Variants in ADGRG2 observed in about 807,000 individuals in gnomAD.
The protein encoded by ADGRG2 is G protein-coupled receptor 64.
In ADGRG2, 26 loss-of-function variants were observed where a neutral mutation model predicts 74.1. The observed-to-expected ratio is 0.35, with a 90% confidence interval of 0.26 to 0.49. ADGRG2 has a LOEUF of 0.49. Among genes scored for constraint, ADGRG2 ranks in the 20% least tolerant of loss-of-function variants. The pLI is 0.99. For missense variants in ADGRG2, 619 were observed against 763.1 expected, an observed-to-expected ratio of 0.81 and a Z score of 2.22; for synonymous variants, 296 against 295.2, an observed-to-expected ratio of 1.00 and a Z score of -0.03.
At chrX:19,013,512 A>T (rs1397626408) in intron 16 of ADGRG2, among the ~76,000 whole-genome samples, 174 bp downstream of exon 16, 1 of 112,320 alleles carries the variant, frequency 8.9e-6, no homozygotes, top group Non-Finnish European at 1.9e-5. Context: ...TGATTAAATT[A>T]GATATGCCAC....
intron 17 of ADGRG2, 106 bp downstream of exon 17, chrX:19,010,507 T>C (rs1255817326): frequency 1.2e-5 from 8 of 640,836 alleles, no homozygotes; most frequent in Non-Finnish European, 1.7e-5. Flanking sequence ...AACCATGATG[T>C]ACCTGGTACT....
At chrX:19,008,464 A>G (rs113709682) in intron 18 of ADGRG2, among the ~76,000 whole-genome samples, 4,887 of 110,858 alleles carry the variant, frequency 0.044, 181 homozygotes, top group African/African-American at 0.13. Context: ...TCAGGAGTTT[A>G]AGACCAGCCT....
In ADGRG2 at chrX:19,006,618, T is replaced by A. The variant is rs189688918; in HGVS notation, c.1690-353A>T. On this transcript the variant is annotated intron_variant, in intron 20 of 28. Transcript: ENST00000379869. ...GTGGACCACACTGTGAGTAGTGAGG[T>A]CGTAGATGATGCTTAGTGTGAACTG... Among the ~76,000 whole-genome samples the A allele has an allele frequency of 1.5e-3, 168 of 110,474 alleles. 1 individual carries two copies. The highest frequency in any genetic ancestry group is 0.014 in the Middle Eastern group (3 of 217).
chrX:19,031,327 A>G (rs893297287), intron 8 of ADGRG2: 11 of 271,251 alleles, frequency 4.1e-5, no homozygotes, highest in South Asian at 2.4e-4. Flanking sequence ...TCTCCTGTTC[A>G]GTATAAACAG....
At chrX:19,006,581 T>C (rs1184480333) in intron 20 of ADGRG2, among the ~76,000 whole-genome samples, 4 of 109,814 alleles carry the variant, frequency 3.6e-5, no homozygotes, top group Non-Finnish European at 1.9e-5. Context: ...GTGATGCTGA[T>C]GCTGTGGGTC....
chrX:19,069,834 A>G (rs137968038), intron 2 of ADGRG2, among the ~76,000 whole-genome samples: 1 of 112,055 alleles, frequency 8.9e-6, no homozygotes, highest in East Asian at 2.8e-4. Context: ...ACCACCCTCC[A>G]ATTTGTTCTT....
intron 1 of ADGRG2, among the ~76,000 whole-genome samples, chrX:19,117,057 C>T (rs919776772): frequency 9.0e-6 from 1 of 111,105 alleles, no homozygotes; most frequent in Non-Finnish European, 1.9e-5. Context: ...TTTGGGAGAC[C>T]GAGGCGGGTG....
chrX:19,090,106 A>G (rs184837067), intron 1 of ADGRG2, among the ~76,000 whole-genome samples: 1 of 111,278 alleles, frequency 9.0e-6, no homozygotes, highest in Non-Finnish European at 1.9e-5. Context: ...GCTGATTCTA[A>G]TTCAAAGCCT....
intron 28 of ADGRG2, among the ~76,000 whole-genome samples, chrX:18,992,610 T>C (rs973100286): frequency 1.8e-5 from 2 of 112,104 alleles, no homozygotes; most frequent in African/African-American, 3.2e-5. Flanking sequence ...TTTTTTGAAA[T>C]TGCCAATTCC....
intron 15 of ADGRG2, among the ~76,000 whole-genome samples, chrX:19,015,375 G>A (rs1033698608): frequency 8.0e-5 from 9 of 112,272 alleles, no homozygotes; most frequent in East Asian, 2.8e-4. Flanking sequence ...CCTGAGGTTC[G>A]GGGCAGTGAG....
At chrX:19,082,090 A>G (rs1012065134) in intron 2 of ADGRG2, among the ~76,000 whole-genome samples, 1 of 107,922 alleles carries the variant, frequency 9.3e-6, no homozygotes, top group African/African-American at 3.3e-5. Flanking sequence ...AAAAAAAAAA[A>G]AAAAAAAGAA....
At chrX:19,107,917 G>A (rs1391150624) in intron 1 of ADGRG2, among the ~76,000 whole-genome samples, 4 of 105,736 alleles carry the variant, frequency 3.8e-5, no homozygotes, top group Admixed American at 1.0e-4. Context: ...TGGCTAACAC[G>A]GTGAAACCCA....
At chrX:19,014,185 A>G in intron 15 of ADGRG2, 111 bp from the exon 16 acceptor site, 1 of 600,315 alleles carries the variant, frequency 1.7e-6, no homozygotes, top group Non-Finnish European at 2.5e-6. Flanking sequence ...TAGTTACATC[A>G]GGGACATGAC....
At chrX:19,055,451 ATTAAAG>A (rs2061396691) in intron 3 of ADGRG2, among the ~76,000 whole-genome samples, 2 of 112,271 alleles carry the variant, frequency 1.8e-5, no homozygotes, top group African/African-American at 6.5e-5. Context: ...ATTTAAATTA[ATTAAAG>A]TTAAACATAA....
intron 11 of ADGRG2, among the ~76,000 whole-genome samples, chrX:19,025,319 C>T (rs749749252): frequency 5.4e-5 from 6 of 111,063 alleles, no homozygotes; most frequent in Non-Finnish European, 9.4e-5. Context: ...GGGTCTCAGC[C>T]CCTAAATACT....
chrX:19,088,916 T>C (rs1369901761), intron 1 of ADGRG2, among the ~76,000 whole-genome samples: 3 of 112,189 alleles, frequency 2.7e-5, no homozygotes, highest in African/African-American at 9.7e-5. Context: ...GCCTTTGTTG[T>C]ATATTGGACA....
intron 2 of ADGRG2, among the ~76,000 whole-genome samples, chrX:19,073,685 G>T: frequency 8.9e-6 from 1 of 111,924 alleles, no homozygotes; most frequent in Middle Eastern, 4.7e-3. Flanking sequence ...AATAATATTA[G>T]AAAGGGAGAA....
chrX:19,060,813 G>A (rs1221951106), intron 3 of ADGRG2, among the ~76,000 whole-genome samples: 2 of 111,390 alleles, frequency 1.8e-5, no homozygotes, highest in Non-Finnish European at 3.8e-5. Flanking sequence ...CTCCCAAAGT[G>A]CTGGGTTTAC....
intron 1 of ADGRG2, among the ~76,000 whole-genome samples, chrX:19,089,424 C>T (rs2061980380): frequency 9.0e-6 from 1 of 111,723 alleles, no homozygotes; most frequent in Admixed American, 9.6e-5. Flanking sequence ...CACATGTATA[C>T]TTGAACTTAA....
Sources: gnomAD v4.1 joint callset for allele counts (sites outside exome capture counted in the v4.1 genomes callset) on GRCh38, gnomAD v4.1.1 for gene constraint, MANE v1.5 for transcripts, NCBI Gene and HGNC (gene_info 2026-07-23, HGNC 2026-07-21) for gene names.